KCNN3: variants seen among roughly 807,000 people sequenced by gnomAD.
KCNN3 encodes the protein small conductance calcium-activated potassium channel protein 3.
Under a neutral mutation model 62.9 loss-of-function variants are expected in KCNN3, and 16 were observed. That is an observed-to-expected ratio of 0.25 (90% CI 0.17 to 0.39). KCNN3 has a LOEUF of 0.39. KCNN3 is among the 10% of genes least tolerant of loss of function. The pLI is 1.00. For missense variants in KCNN3, 599 were observed against 949.4 expected (o/e 0.63, Z 4.85); for synonymous variants, 370 against 389.2 (o/e 0.95, Z 0.58).
At chr1:154,821,393 C>T (rs1650885716) in intron 2 of KCNN3, among the ~76,000 whole-genome samples, 2 of 152,202 alleles carry the variant, frequency 1.3e-5, no homozygotes. Flanking sequence ...AGCTCATTGT[C>T]ACCAGAAGAT....
chr1:154,789,429 AG>A (rs373576640), intron 2 of KCNN3, among the ~76,000 whole-genome samples: 4,862 of 148,414 alleles, frequency 0.033, 138 homozygotes, highest in African/African-American at 0.089. Flanking sequence ...TCGGTGGGGC[AG>A]GGGGGGGCAT....
At chr1:154,711,892 AAGAG>A (rs1700084347) in intron 7 of KCNN3, among the ~76,000 whole-genome samples, 1 of 150,442 alleles carries the variant, frequency 6.6e-6, no homozygotes, top group Non-Finnish European at 1.5e-5. Flanking sequence ...GAGGGAGAGA[AAGAG>A]AGGAAGAGAG....
intron 1 of KCNN3, among the ~76,000 whole-genome samples, chr1:154,833,196 C>T (rs976489725): frequency 6.6e-6 from 1 of 152,202 alleles, no homozygotes; most frequent in Non-Finnish European, 1.5e-5. Flanking sequence ...ACCACTACTA[C>T]CCACCTGATG....
At chr1:154,822,881 G>A (rs112297134) in intron 1 of KCNN3, among the ~76,000 whole-genome samples, 197 of 152,328 alleles carry the variant, frequency 1.3e-3, no homozygotes, top group African/African-American at 4.5e-3. Context: ...CAGTCCCAGG[G>A]CAGCTTAGAG....
At chr1:154,790,052 G>A (rs1649443878) in intron 2 of KCNN3, among the ~76,000 whole-genome samples, 1 of 152,166 alleles carries the variant, frequency 6.6e-6, no homozygotes, top group Non-Finnish European at 1.5e-5. Context: ...GGGACTACAG[G>A]CATGCACTAC....
intron 1 of KCNN3, among the ~76,000 whole-genome samples, chr1:154,828,131 C>T (rs1022598342): frequency 2.6e-5 from 4 of 152,074 alleles, no homozygotes; most frequent in African/African-American, 9.7e-5. Context: ...GAACAGAGGC[C>T]CAGGGTGTGC....
chr1:154,832,668 T>C (rs1358490992), intron 1 of KCNN3, among the ~76,000 whole-genome samples: 1 of 152,230 alleles, frequency 6.6e-6, no homozygotes, highest in Non-Finnish European at 1.5e-5. Flanking sequence ...TGCTTTGAAG[T>C]AGTTTTGCTT....
At chr1:154,832,092 C>T (rs1005922845) in intron 1 of KCNN3, among the ~76,000 whole-genome samples, 3 of 152,004 alleles carry the variant, frequency 2.0e-5, no homozygotes, top group East Asian at 1.9e-4. Flanking sequence ...ATATAACAAC[C>T]GGTCCCTGAA....
At chr1:154,858,532 AC>A (rs908404012) in intron 1 of KCNN3, among the ~76,000 whole-genome samples, 3 of 151,852 alleles carry the variant, frequency 2.0e-5, no homozygotes, top group Non-Finnish European at 2.9e-5. Context: ...CTGGGGAGAG[AC>A]CCCCCTGGAG....
chr1:154,837,859 G>C (rs569198582), intron 1 of KCNN3, among the ~76,000 whole-genome samples: 1 of 152,346 alleles, frequency 6.6e-6, no homozygotes, highest in East Asian at 1.9e-4. Flanking sequence ...TTTGGCCCAA[G>C]GGGGTGAACT....
chr1:154,850,588 C>T lies in KCNN3; in HGVS notation c.933+18444G>A, dbSNP rs566317264. 5.3e-5 allele frequency among the ~76,000 whole-genome samples: 8 copies of T among 152,302 alleles called. No individual in the cohort carries two copies. In the South Asian group the frequency reaches 1.2e-3, roughly 24 times the overall value. On this transcript the variant is annotated intron_variant, in intron 1 of 7. Coordinates refer to ENST00000271915, the MANE Select transcript of KCNN3 (RefSeq NM_002249.6). ...TCTGCAGGCTTTGGACATTTGGCGA[C>T]ATGGTTGGTGCACATGAGGCTGGTG...
At chr1:154,780,938 T>C (rs542376669) in intron 2 of KCNN3, among the ~76,000 whole-genome samples, 74 of 152,328 alleles carry the variant, frequency 4.9e-4, no homozygotes, top group Non-Finnish European at 7.9e-4. Flanking sequence ...ATAAACAAGA[T>C]GCTTAGGGCG....
At position 154,703,689 on chromosome 1, in the gene KCNN3, A is replaced by T. The variant is rs555277922; in HGVS notation, c.*4287T>A. 1 of 152,242 alleles carries T rather than the reference A, an allele frequency of 6.6e-6. No homozygotes were observed. The highest frequency in any genetic ancestry group is 2.1e-4 in the South Asian group (1 of 4,816). The allele number at this position is 152,242 out of a possible 1,614,324, so 9.4% of individuals were successfully genotyped here. Reference sequence around the variant, plus strand: ...TTGAGTTGCACTCTGGAGGAGGAGGAAGGTTCTGGAACTACGTGCTAATCC... The same window carrying T: ...TTGAGTTGCACTCTGGAGGAGGAGGTAGGTTCTGGAACTACGTGCTAATCC... On this transcript the variant is annotated 3_prime_UTR_variant, in exon 8 of 8. Coordinates refer to ENST00000271915, the MANE Select transcript of KCNN3 (RefSeq NM_002249.6).
At chr1:154,857,804 A>G (rs1305389504) in intron 1 of KCNN3, among the ~76,000 whole-genome samples, 2 of 152,140 alleles carry the variant, frequency 1.3e-5, no homozygotes, top group African/African-American at 4.8e-5. Flanking sequence ...GAGGTGTGTA[A>G]ACACACATAG....
At chr1:154,820,844 T>G (rs1485935694) in intron 2 of KCNN3, among the ~76,000 whole-genome samples, 2 of 152,178 alleles carry the variant, frequency 1.3e-5, no homozygotes, top group African/African-American at 4.8e-5. Context: ...CCTGCCAAGG[T>G]GGCCTGGAGC....
intron 2 of KCNN3, among the ~76,000 whole-genome samples, chr1:154,783,410 C>T (rs1327375185): frequency 6.6e-6 from 1 of 152,156 alleles, no homozygotes; most frequent in South Asian, 2.1e-4. Flanking sequence ...GGAACTAAGA[C>T]CACGGCTTTC....
At chr1:154,738,265 A>G (rs1222977996) in intron 3 of KCNN3, among the ~76,000 whole-genome samples, 1 of 152,176 alleles carries the variant, frequency 6.6e-6, no homozygotes, top group Non-Finnish European at 1.5e-5. Context: ...AAAGAACCAG[A>G]AATTACAACA....
rs146765552 is a variant in KCNN3 at position 154,781,033 on chromosome 1, T to C, written c.1030-8640A>G. Among the ~76,000 whole-genome samples the C allele has an allele frequency of 4.7e-3, 718 of 152,308 alleles. 6 individuals are homozygous for C. The highest frequency in any genetic ancestry group is 5.2e-3 in the Non-Finnish European group (352 of 68,028). ...CCCACTCCCTGGGCCATGTGTGATG[T>C]CCCACAGTGGCTCTTTGGTCCGGCC... On this transcript the variant is annotated intron_variant, in intron 2 of 7. Coordinates refer to ENST00000271915, the MANE Select transcript of KCNN3 (RefSeq NM_002249.6).
intron 2 of KCNN3, among the ~76,000 whole-genome samples, chr1:154,796,006 G>T (rs571851462): frequency 9.6e-4 from 146 of 152,340 alleles, no homozygotes; most frequent in Non-Finnish European, 1.6e-3. Context: ...AAGGTCCAGT[G>T]TGTGTGTCTG....
Sources: gnomAD v4.1 joint callset for allele counts (sites outside exome capture counted in the v4.1 genomes callset) on GRCh38, gnomAD v4.1.1 for gene constraint, MANE v1.5 for transcripts, NCBI Gene and HGNC (gene_info 2026-07-23, HGNC 2026-07-21) for gene names.